MAGI3: variants seen among roughly 807,000 people sequenced by gnomAD.
MAGI3 encodes membrane-associated guanylate kinase, WW and PDZ domain-containing protein 3.
In MAGI3, 43 loss-of-function variants were observed where a neutral mutation model predicts 121.8. The observed-to-expected ratio is 0.35, with a 90% CI of 0.28 to 0.46. The LOEUF is 0.46. MAGI3 is among the 20% of genes least tolerant of loss of function. The pLI is 1.00. For synonymous variants in MAGI3, 553 were observed against 639.3 expected, an observed-to-expected ratio of 0.86 and a Z score of 2.04; for missense variants, 1,547 against 1,797.3, an observed-to-expected ratio of 0.86 and a Z score of 2.52.
intron 9 of MAGI3, among the ~76,000 whole-genome samples, chr1:113,638,012 T>G (rs1468756239): frequency 6.6e-6 from 1 of 152,248 alleles, no homozygotes; most frequent in Non-Finnish European, 1.5e-5. Context: ...TTTCTTTCAG[T>G]TGATCGCATC....
At position 113,646,479 on chromosome 1, in the gene MAGI3, A is replaced by T; in HGVS notation, c.1999-7A>T. 6.3e-7 allele frequency: 1 copy of T among 1,584,164 alleles called. No homozygotes were observed. The highest frequency in any genetic ancestry group is 8.6e-7 in the Non-Finnish European group (1 of 1,169,304). ...AAAATACTAAGTAAGGCTCTTTTCCATTTCAGAAAACAGATAAAAAGGAAA... is the reference window on the plus strand; with the variant it reads ...AAAATACTAAGTAAGGCTCTTTTCCTTTTCAGAAAACAGATAAAAAGGAAA... On this transcript the variant is annotated splice_polypyrimidine_tract_variant and splice_region_variant and intron_variant, in intron 11 of 20. Coordinates refer to ENST00000307546, the MANE Select transcript of MAGI3 (RefSeq NM_001142782.2).
intron 2 of MAGI3, among the ~76,000 whole-genome samples, chr1:113,552,614 T>G (rs1204019245): frequency 6.6e-6 from 1 of 152,166 alleles, no homozygotes; most frequent in Non-Finnish European, 1.5e-5. Flanking sequence ...TTCACTTAAG[T>G]TTTTCTTTTA....
intron 6 of MAGI3, among the ~76,000 whole-genome samples, chr1:113,595,067 A>G (rs1648916914): frequency 1.3e-5 from 2 of 152,204 alleles, no homozygotes; most frequent in South Asian, 4.1e-4. Context: ...TTACTGCTTA[A>G]AGGAAAAATT....
At chr1:113,448,349 G>A (rs1654288503) in intron 1 of MAGI3, among the ~76,000 whole-genome samples, 1 of 152,190 alleles carries the variant, frequency 6.6e-6, no homozygotes, top group East Asian at 1.9e-4. Flanking sequence ...TTCTAATAAA[G>A]ATCCTTTCTT....
At position 113,659,283 on chromosome 1, in the gene MAGI3, G is replaced by T. The variant is rs777910985; in HGVS notation, c.2815+18G>T. 11 of 1,610,530 alleles carry T rather than the reference G, an allele frequency of 6.8e-6. No individual in the cohort carries two copies. The East Asian group carries it at 2.2e-4, about 33-fold the overall frequency. ...TGAAGAAGGTAAGGAGCCAGTAGAC[G>T]CGCCTGCCCCAAGCTGATCTGAGAG... is the stretch of plus-strand genomic sequence containing the variant. On this transcript the variant is annotated intron_variant, in intron 16 of 20. Transcript: ENST00000307546.
intron 2 of MAGI3, among the ~76,000 whole-genome samples, chr1:113,567,931 A>G (rs1168194347): frequency 1.3e-5 from 2 of 152,136 alleles, no homozygotes; most frequent in East Asian, 1.9e-4. Context: ...CTCTTTGCAG[A>G]TAACATCTTA....
intron 9 of MAGI3, among the ~76,000 whole-genome samples, chr1:113,625,819 G>A (rs1037703411): frequency 1.3e-5 from 2 of 152,136 alleles, no homozygotes; most frequent in Non-Finnish European, 1.5e-5. Context: ...TGTGATACTA[G>A]CTGTGGCTCT....
At chr1:113,637,741 G>A (rs1262088313) in intron 9 of MAGI3, among the ~76,000 whole-genome samples, 1 of 152,042 alleles carries the variant, frequency 6.6e-6, no homozygotes, top group Non-Finnish European at 1.5e-5. Flanking sequence ...TATCTTTGTG[G>A]CATTCTCTGT....
intron 1 of MAGI3, among the ~76,000 whole-genome samples, chr1:113,453,465 T>C (rs1436704705): frequency 2.6e-5 from 4 of 152,210 alleles, no homozygotes; most frequent in African/African-American, 9.6e-5. Flanking sequence ...TCTGTTTTCA[T>C]AGAAACACCC....
intron 6 of MAGI3, 96 bp downstream of exon 6, chr1:113,594,656 C>A: frequency 1.1e-6 from 1 of 945,794 alleles, no homozygotes; most frequent in Non-Finnish European, 1.6e-6. Flanking sequence ...CCTAAACAAA[C>A]CATAATGTAC....
chr1:113,660,472 T>C (rs955454627), intron 16 of MAGI3, among the ~76,000 whole-genome samples: 1 of 152,048 alleles, frequency 6.6e-6, no homozygotes, highest in African/African-American at 2.4e-5. Flanking sequence ...GTACATGGCC[T>C]TCCCCCGCAA....
At chr1:113,561,252 C>T (rs1327708037) in intron 2 of MAGI3, among the ~76,000 whole-genome samples, 1 of 152,218 alleles carries the variant, frequency 6.6e-6, no homozygotes, top group African/African-American at 2.4e-5. Context: ...GGGACTCCTC[C>T]CTAACCATTT....
intron 1 of MAGI3, among the ~76,000 whole-genome samples, chr1:113,475,869 G>T (rs1011057796): frequency 1.3e-4 from 19 of 151,978 alleles, no homozygotes; most frequent in African/African-American, 4.6e-4. Context: ...GACTTTTTTT[G>T]GTTGGTAGGC....
intron 1 of MAGI3, among the ~76,000 whole-genome samples, chr1:113,515,562 C>T (rs1365474198): frequency 1.3e-5 from 2 of 152,080 alleles, no homozygotes; most frequent in African/African-American, 4.8e-5. Context: ...TTAACACAAC[C>T]TCATGGAATA....
chr1:113,507,875 G>T (rs564545170), intron 1 of MAGI3, among the ~76,000 whole-genome samples: 1 of 152,242 alleles, frequency 6.6e-6, no homozygotes, highest in East Asian at 1.9e-4. Flanking sequence ...CACCCCAGTG[G>T]AAAGAGAGAG....
chr1:113,426,777 G>T (rs1342054439), intron 1 of MAGI3, among the ~76,000 whole-genome samples: 1 of 151,870 alleles, frequency 6.6e-6, no homozygotes, highest in East Asian at 1.9e-4. Context: ...ACTTAATGTT[G>T]AATTTGGACC....
intron 6 of MAGI3, among the ~76,000 whole-genome samples, chr1:113,607,688 T>A (rs190426498): frequency 1.5e-3 from 224 of 152,228 alleles, no homozygotes; most frequent in African/African-American, 5.3e-3. Flanking sequence ...GGGGCAGATG[T>A]CAGATTTTTT....
At chr1:113,441,381 C>T (rs914554514) in intron 1 of MAGI3, among the ~76,000 whole-genome samples, 1 of 152,094 alleles carries the variant, frequency 6.6e-6, no homozygotes, top group Non-Finnish European at 1.5e-5. Flanking sequence ...GAAGCTCTTG[C>T]TGCGTTGCCA....
At position 113,440,019 on chromosome 1, in the gene MAGI3, A is replaced by T. The variant is rs941460443; in HGVS notation, c.316+48670A>T. Among the ~76,000 whole-genome samples the T allele has an allele frequency of 3.3e-5, 5 of 151,926 alleles. No individual in the cohort carries two copies. In the South Asian group the frequency reaches 1.0e-3, roughly 32 times the overall value. On this transcript the variant is annotated intron_variant, in intron 1 of 20. Coordinates refer to ENST00000307546, the MANE Select transcript of MAGI3 (RefSeq NM_001142782.2). ...GGACTTGGACATCATACAGACCTGG[A>T]TTTGAGTTCTAGTTTACCATTTAAC...
Sources: gnomAD v4.1 joint callset for allele counts (sites outside exome capture counted in the v4.1 genomes callset) on GRCh38, gnomAD v4.1.1 for gene constraint, MANE v1.5 for transcripts, NCBI Gene and HGNC (gene_info 2026-07-23, HGNC 2026-07-21) for gene names.